Variants in ARHGAP24 observed in about 807,000 individuals in gnomAD.
ARHGAP24 encodes rho GTPase-activating protein 24.
A neutral mutation model predicts 76.4 loss-of-function variants in ARHGAP24; 50 were observed. The observed-to-expected ratio is 0.65, with a 90% CI of 0.52 to 0.83. ARHGAP24 has a LOEUF of 0.83. Ranked by LOEUF, ARHGAP24 falls within the 40% of genes least tolerant of loss-of-function variation. The probability of loss-of-function intolerance (pLI) is 0.00; values close to 1 mark genes in which losing one functional copy is unlikely to be tolerated. For synonymous variants in ARHGAP24, 345 were observed against 323.3 expected, an observed-to-expected ratio of 1.07 and a Z score of -0.72; for missense variants, 930 against 914.2, an observed-to-expected ratio of 1.02 and a Z score of -0.22.
chr4:85,764,632 T>C (rs1435302810), intron 3 of ARHGAP24, among the ~76,000 whole-genome samples: 1 of 152,006 alleles, frequency 6.6e-6, no homozygotes, highest in African/African-American at 2.4e-5. Context: ...CCCAGAGTAA[T>C]TGTTTTTTTT....
At chr4:85,485,886 C>T (rs778614667) in intron 1 of ARHGAP24, among the ~76,000 whole-genome samples, 20 of 152,080 alleles carry the variant, frequency 1.3e-4, no homozygotes, top group Admixed American at 5.2e-4. Context: ...GCATGCGCCA[C>T]CATGCCTGAC....
At chr4:85,841,422 G>A (rs924896143) in intron 3 of ARHGAP24, among the ~76,000 whole-genome samples, 2 of 152,080 alleles carry the variant, frequency 1.3e-5, no homozygotes, top group Admixed American at 6.6e-5. Flanking sequence ...TCATCTAATC[G>A]CTTCAATTTC....
In ARHGAP24 at chr4:85,995,196, C is replaced by G; in HGVS notation, c.1542C>G (p.Asn514Lys). ...ATGGCTATGTGACCCTGAGGGATAA[C>G]AAGCAGAAAGAACAAGCTGGAGAGT... ...LPNGYVTLRD[N>K]KQKEQAGELG... Residue 514 changes from asparagine (N) to lysine (K), a missense_variant, in exon 9 of 10, where the codon AAC becomes AAG. Physicochemically the swap from Asn to Lys is moderately conservative, Grantham distance 94 (BLOSUM62 0). Transcript: ENST00000395184. 1 of 1,613,956 alleles carries G rather than the reference C, an allele frequency of 6.2e-7. No homozygotes were observed. The highest frequency in any genetic ancestry group is 1.3e-5 in the African/African-American group (1 of 74,984).
chr4:85,519,675 G>A (rs1027704243), intron 1 of ARHGAP24, among the ~76,000 whole-genome samples: 7 of 152,198 alleles, frequency 4.6e-5, no homozygotes, highest in Admixed American at 1.3e-4. Flanking sequence ...GCAGCAATTC[G>A]ATTTTTCTAG....
Position 85,565,534 on chromosome 4 carries a change from G to A in ARHGAP24, c.-20-4988G>A, listed in dbSNP as rs77870576. Among the ~76,000 whole-genome samples the A allele has an allele frequency of 2.6e-3, 399 of 152,214 alleles. 3 individuals are homozygous for A. The highest frequency in any genetic ancestry group is 9.1e-3 in the African/African-American group (377 of 41,528). ...GAAATACTCACTCACCCCACCAGACGCCAAGGAAACTGACACTGATTGAAA... is the reference window on the plus strand; with the variant it reads ...GAAATACTCACTCACCCCACCAGACACCAAGGAAACTGACACTGATTGAAA... On this transcript the variant is annotated intron_variant, in intron 1 of 9. Transcript: ENST00000395184.
At chr4:85,548,772 A>G (rs951022034) in intron 1 of ARHGAP24, among the ~76,000 whole-genome samples, 6 of 152,166 alleles carry the variant, frequency 3.9e-5, no homozygotes, top group Admixed American at 2.6e-4. Context: ...TCTCATCAAG[A>G]TGTAAGACAT....
intron 5 of ARHGAP24, among the ~76,000 whole-genome samples, chr4:85,948,951 G>A (rs1436152190): frequency 1.3e-5 from 2 of 152,022 alleles, no homozygotes; most frequent in African/African-American, 4.8e-5. Flanking sequence ...TTCTTTTTTA[G>A]GTCACGTTGC....
intron 2 of ARHGAP24, among the ~76,000 whole-genome samples, chr4:85,650,369 T>G (rs1721890051): frequency 6.7e-6 from 1 of 149,752 alleles, no homozygotes; most frequent in African/African-American, 2.6e-5. Context: ...TCAATGTGTA[T>G]GTAACATTGT....
At chr4:85,631,997 A>T (rs1163487286) in intron 2 of ARHGAP24, among the ~76,000 whole-genome samples, 1 of 152,090 alleles carries the variant, frequency 6.6e-6, no homozygotes, top group Non-Finnish European at 1.5e-5. Context: ...TTTTGTATCC[A>T]TAGATCCAAT....
At chr4:85,755,442 C>T (rs542583523) in intron 3 of ARHGAP24, among the ~76,000 whole-genome samples, 5 of 152,090 alleles carry the variant, frequency 3.3e-5, no homozygotes, top group East Asian at 1.9e-4. Flanking sequence ...ACATGAGTGT[C>T]GCAACACATC....
At chr4:85,731,015 C>A (rs1725380171) in intron 3 of ARHGAP24, among the ~76,000 whole-genome samples, 1 of 135,212 alleles carries the variant, frequency 7.4e-6, no homozygotes. Flanking sequence ...CACACACACA[C>A]ACACACACAC....
intron 2 of ARHGAP24, among the ~76,000 whole-genome samples, chr4:85,571,351 A>C (rs1339674373): frequency 6.6e-6 from 1 of 152,236 alleles, no homozygotes; most frequent in East Asian, 1.9e-4. Flanking sequence ...AGAGAAGAAT[A>C]ATCTTCATCT....
rs143217886 is a variant in ARHGAP24 at position 85,916,732 on chromosome 4, A to G, written c.269-6916A>G. On this transcript the variant is annotated intron_variant, in intron 3 of 9. Transcript: ENST00000395184. Reference sequence around the variant, plus strand: ...TCTGAGTATTCACTGAAATGTCCTCAGTTCTCTACTGTGAACTTGTCTTGG... The same window carrying G: ...TCTGAGTATTCACTGAAATGTCCTCGGTTCTCTACTGTGAACTTGTCTTGG... Among the ~76,000 whole-genome samples, 86 of 152,292 alleles carry G rather than the reference A, an allele frequency of 5.6e-4. 1 individual carries two copies. The highest frequency in any genetic ancestry group is 2.0e-3 in the African/African-American group (83 of 41,566).
intron 3 of ARHGAP24, among the ~76,000 whole-genome samples, chr4:85,771,519 AACGAC>A: frequency 6.6e-6 from 1 of 152,226 alleles, no homozygotes; most frequent in Admixed American, 6.5e-5. Flanking sequence ...TTCGAAGGCT[AACGAC>A]TTCTGGAAAC....
chr4:85,929,887 G>A (rs1308182106), intron 4 of ARHGAP24, among the ~76,000 whole-genome samples: 3 of 152,210 alleles, frequency 2.0e-5, no homozygotes, highest in African/African-American at 7.2e-5. Context: ...TTACCCCCTG[G>A]GGGTTGGTTT....
intron 2 of ARHGAP24, among the ~76,000 whole-genome samples, chr4:85,602,204 A>G (rs1720053184): frequency 6.6e-6 from 1 of 152,222 alleles, no homozygotes; most frequent in Non-Finnish European, 1.5e-5. Flanking sequence ...TGAAAAAGAA[A>G]GCAGTATTTG....
chr4:85,740,018 G>C (rs343853), intron 3 of ARHGAP24, among the ~76,000 whole-genome samples: 1 of 152,064 alleles, frequency 6.6e-6, no homozygotes, highest in East Asian at 1.9e-4. Flanking sequence ...GTTCACGAAT[G>C]TCCACAGATT....
At chr4:85,997,050 G>A (rs899576725) in intron 9 of ARHGAP24, among the ~76,000 whole-genome samples, 1 of 152,060 alleles carries the variant, frequency 6.6e-6, no homozygotes, top group African/African-American at 2.4e-5. Flanking sequence ...CATCTTAATG[G>A]GCCATTTCAG....
chr4:85,720,562 T>C (rs1470812479), intron 2 of ARHGAP24, among the ~76,000 whole-genome samples: 1 of 152,184 alleles, frequency 6.6e-6, no homozygotes, highest in Non-Finnish European at 1.5e-5. Context: ...AGCTTTTGAA[T>C]GTATCTGAAG....
Sources: gnomAD v4.1 joint callset for allele counts (sites outside exome capture counted in the v4.1 genomes callset) on GRCh38, gnomAD v4.1.1 for gene constraint, MANE v1.5 for transcripts, NCBI Gene and HGNC (gene_info 2026-07-23, HGNC 2026-07-21) for gene names.